Variants in PIGK observed in about 807,000 individuals in gnomAD.
PIGK encodes phosphatidylinositol glycan anchor biosynthesis class K.
Under a neutral mutation model 50.6 loss-of-function variants are expected in PIGK, and 42 were observed. That is an observed-to-expected ratio of 0.83 (90% CI 0.65 to 1.07). PIGK has a LOEUF of 1.07. Among genes scored for constraint, PIGK ranks in the 50% least tolerant of loss-of-function variants. The pLI is 0.00. For synonymous variants in PIGK, 151 were observed against 156.0 expected (o/e 0.97, Z 0.24); for missense variants, 448 against 488.7 (o/e 0.92, Z 0.78).
chr1:77,115,642 A>G lies in PIGK; in HGVS notation c.1071+6633T>C, dbSNP rs551569374. Among the ~76,000 whole-genome samples the G allele has an allele frequency of 6.9e-4, 105 of 152,302 alleles. 1 individual carries two copies. The highest frequency in any genetic ancestry group is 2.5e-3 in the African/African-American group (102 of 41,570). On this transcript the variant is annotated intron_variant, in intron 10 of 10. Transcript: ENST00000370812. ...TATGAACTGGTTACACTGGAAAAAA[A>G]TACCTCTAGGACTAAAAAGGAGTAA... is the stretch of plus-strand genomic sequence containing the variant.
intron 10 of PIGK, among the ~76,000 whole-genome samples, chr1:77,116,785 G>A (rs1653984768): frequency 6.6e-6 from 1 of 151,888 alleles, no homozygotes; most frequent in South Asian, 2.1e-4. Context: ...TAGTACAGTC[G>A]AGTAATCATA....
intron 9 of PIGK, among the ~76,000 whole-genome samples, chr1:77,146,390 C>G (rs1654768686): frequency 6.6e-6 from 1 of 152,048 alleles, no homozygotes; most frequent in Admixed American, 6.5e-5. Flanking sequence ...GGCTTGGCAC[C>G]ACAGCTCATG....
At chr1:77,190,959 C>A (rs1570253050) in intron 3 of PIGK, among the ~76,000 whole-genome samples, 1 of 152,206 alleles carries the variant, frequency 6.6e-6, no homozygotes, top group African/African-American at 2.4e-5. Context: ...ACAGCACAGC[C>A]ACCTCACCGT....
At chr1:77,096,909 TTTTTGTTTTG>T (rs1185318597) in intron 10 of PIGK, among the ~76,000 whole-genome samples, 2 of 151,390 alleles carry the variant, frequency 1.3e-5, no homozygotes, top group Non-Finnish European at 2.9e-5. Flanking sequence ...TTTTTTTGTT[TTTTTGTTTTG>T]TTTTGTTTTG....
chr1:77,184,677 C>A (rs1361105707), intron 3 of PIGK, among the ~76,000 whole-genome samples: 1 of 152,106 alleles, frequency 6.6e-6, no homozygotes, highest in East Asian at 1.9e-4. Flanking sequence ...TACAGTGTGT[C>A]CAGTGGATCC....
intron 9 of PIGK, among the ~76,000 whole-genome samples, chr1:77,123,052 A>G (rs1654140693): frequency 6.6e-6 from 1 of 152,180 alleles, no homozygotes; most frequent in East Asian, 1.9e-4. Context: ...AGGTTATTTT[A>G]TATAGACAAT....
chr1:77,180,070 T>C (rs1655577156), intron 3 of PIGK, among the ~76,000 whole-genome samples: 1 of 152,148 alleles, frequency 6.6e-6, no homozygotes, highest in Non-Finnish European at 1.5e-5. Flanking sequence ...TGCATTCCTA[T>C]AAATAACAGT....
chr1:77,163,890 G>T lies in PIGK; in HGVS notation c.540C>A (p.Asn180Lys). The change falls in exon 6 of 11, where the codon AAC becomes AAA. Residue 180 changes from asparagine to lysine, a missense_variant. Physicochemically the swap from Asn to Lys is moderately conservative, Grantham distance 94 (BLOSUM62 0). Coordinates refer to ENST00000370812, the MANE Select transcript of PIGK (RefSeq NM_005482.3). ...GTTCAAAAGCATCCGCGAGTTCTAT[G>T]TTGGTAATTTCTTCAGAATCTTGAA... ...LKFQDSEEIT[N>K]IELADAFEQM... 1 of 1,609,558 alleles carries T rather than the reference G, an allele frequency of 6.2e-7. No homozygotes were observed. The highest frequency in any genetic ancestry group is 1.1e-5 in the South Asian group (1 of 90,328).
chr1:77,180,956 T>C (rs1346815862), intron 3 of PIGK, among the ~76,000 whole-genome samples: 1 of 152,184 alleles, frequency 6.6e-6, no homozygotes, highest in Non-Finnish European at 1.5e-5. Flanking sequence ...GCATAATTTC[T>C]TTCTTCTTTC....
At chr1:77,188,054 C>T (rs1655791693) in intron 3 of PIGK, among the ~76,000 whole-genome samples, 1 of 152,100 alleles carries the variant, frequency 6.6e-6, no homozygotes, top group Admixed American at 6.6e-5. Context: ...CGCCTCAGGA[C>T]CCTGCACTAA....
In PIGK at chr1:77,122,257, A is replaced by G. The variant is rs1654114368; in HGVS notation, c.1071+18T>C. Reference sequence around the variant, plus strand: ...TAAAAATCTTGTTTCTTTCAAAAGAATAAAATGAAATGCAAACCTGGTGTA... The same window carrying G: ...TAAAAATCTTGTTTCTTTCAAAAGAGTAAAATGAAATGCAAACCTGGTGTA... On this transcript the variant is annotated intron_variant, in intron 10 of 10. Transcript: ENST00000370812. 6 of 1,465,680 alleles carry G rather than the reference A, an allele frequency of 4.1e-6. No homozygotes were observed. Among genetic ancestry groups the G allele is most frequent in the Non-Finnish European group, 5.7e-6 (6 of 1,050,930 alleles). The allele number at this position is 1,465,680 out of a possible 1,614,324, so 90.8% of individuals were successfully genotyped here.
At chr1:77,166,131 A>G (rs1435812504) in intron 5 of PIGK, among the ~76,000 whole-genome samples, 1 of 152,210 alleles carries the variant, frequency 6.6e-6, no homozygotes, top group Non-Finnish European at 1.5e-5. Context: ...ATCATTACAT[A>G]TATTATTATG....
intron 9 of PIGK, among the ~76,000 whole-genome samples, chr1:77,140,445 G>A (rs181930667): frequency 6.6e-6 from 1 of 151,832 alleles, no homozygotes; most frequent in Admixed American, 6.6e-5. Context: ...GCTTCCTGAC[G>A]CCTCCCCAAA....
chr1:77,161,341 A>C lies in PIGK; in HGVS notation c.767T>G (p.Phe256Cys), dbSNP rs1471231620. 1 of 1,606,730 alleles carries C rather than the reference A, an allele frequency of 6.2e-7. No individual in the cohort carries two copies. The highest frequency in any genetic ancestry group is 1.1e-5 in the South Asian group (1 of 90,930). The change falls in exon 8 of 11, where the codon TTT becomes TGT. Residue 256 changes from phenylalanine to cysteine, a missense_variant. Coordinates refer to ENST00000370812, the MANE Select transcript of PIGK (RefSeq NM_005482.3). ...GCTAGCTGGGTTAATTTCTTCCAAA[A>C]ATTCCAAGACATAAAATGTGTATCT... ...MDRYTFYVLE[F>C]LEEINPASQT...
At chr1:77,186,691 C>A (rs1345802043) in intron 3 of PIGK, among the ~76,000 whole-genome samples, 3 of 152,198 alleles carry the variant, frequency 2.0e-5, no homozygotes, top group African/African-American at 7.2e-5. Context: ...CCTGTCATCA[C>A]CCAATGGGCC....
At chr1:77,155,439 A>G (rs540208978) in intron 8 of PIGK, among the ~76,000 whole-genome samples, 1 of 152,334 alleles carries the variant, frequency 6.6e-6, no homozygotes, top group African/African-American at 2.4e-5. Flanking sequence ...CACAGAGGAT[A>G]CAAAGATTGA....
chr1:77,202,484 C>G (rs1038585077), intron 3 of PIGK, among the ~76,000 whole-genome samples: 2 of 152,108 alleles, frequency 1.3e-5, no homozygotes, highest in Non-Finnish European at 2.9e-5. Flanking sequence ...AAGGACAATA[C>G]AGTGACTAGG....
At chr1:77,158,920 A>C (rs1446244992) in intron 8 of PIGK, among the ~76,000 whole-genome samples, 1 of 152,202 alleles carries the variant, frequency 6.6e-6, no homozygotes, top group Non-Finnish European at 1.5e-5. Context: ...TTTTCTGAGG[A>C]GAAATTCAAG....
intron 3 of PIGK, among the ~76,000 whole-genome samples, chr1:77,197,264 G>A (rs1465821329): frequency 6.6e-6 from 1 of 152,044 alleles, no homozygotes; most frequent in Non-Finnish European, 1.5e-5. Context: ...AAAAAACTAA[G>A]GCCAAGAGAG....
Sources: gnomAD v4.1 joint callset for allele counts (sites outside exome capture counted in the v4.1 genomes callset) on GRCh38, gnomAD v4.1.1 for gene constraint, MANE v1.5 for transcripts, NCBI Gene and HGNC (gene_info 2026-07-23, HGNC 2026-07-21) for gene names.